The following LPP variants were observed in gnomAD, a reference collection of about 807,000 sequenced individuals.
The protein encoded by LPP is lipoma-preferred partner.
In LPP, 38 loss-of-function variants were observed where a neutral mutation model predicts 60.4. The observed-to-expected ratio is 0.63, with a 90% confidence interval of 0.49 to 0.83. LPP has a LOEUF of 0.83. Ranked by LOEUF, LPP falls within the 40% of genes least tolerant of loss-of-function variation. The probability of loss-of-function intolerance (pLI) is 0.00; values close to 1 mark genes in which losing one functional copy is unlikely to be tolerated. For missense variants in LPP, 902 were observed against 783.6 expected (o/e 1.15, Z -1.80); for synonymous variants, 328 against 290.8 (o/e 1.13, Z -1.30).
chr3:188,512,426 C>T (rs1281832736), intron 5 of LPP, among the ~76,000 whole-genome samples: 1 of 152,080 alleles, frequency 6.6e-6, no homozygotes, highest in Non-Finnish European at 1.5e-5. Flanking sequence ...TTGGCACGCA[C>T]TTGTAATCCT....
At chr3:188,644,554 A>G (rs1850755305) in intron 7 of LPP, among the ~76,000 whole-genome samples, 1 of 152,154 alleles carries the variant, frequency 6.6e-6, no homozygotes, top group Non-Finnish European at 1.5e-5. Context: ...AATATTGCTG[A>G]TATGTAATCT....
chr3:188,519,773 G>T (rs548685483), intron 5 of LPP, among the ~76,000 whole-genome samples: 2 of 152,258 alleles, frequency 1.3e-5, no homozygotes, highest in East Asian at 3.9e-4. Context: ...GATGAATCTG[G>T]GTGAAGGATG....
rs547741345 is a variant in LPP, at chr3:188,334,592, G to A, written c.-66-7071G>A. ...ACTACAGACGCGCGCTACCACGCCC[G>A]GCTAATTTTTGTGTTTTTAGTACAG... On this transcript the variant is annotated intron_variant, in intron 2 of 11. Transcript: ENST00000617246. Among the ~76,000 whole-genome samples, 38 of 151,856 alleles carry A rather than the reference G, an allele frequency of 2.5e-4. No individual in the cohort carries two copies. In the South Asian group the frequency reaches 7.7e-3, roughly 31 times the overall value.
chr3:188,470,281 T>TACACACACACACACAC (rs59656753), intron 4 of LPP, among the ~76,000 whole-genome samples: 1 of 126,864 alleles, frequency 7.9e-6, no homozygotes, highest in East Asian at 2.8e-4. Flanking sequence ...CTCTCTCTCA[T>TACACACACACACACAC]ACACACACAC....
intron 6 of LPP, among the ~76,000 whole-genome samples, chr3:188,566,239 C>T (rs771447385): frequency 1.6e-4 from 24 of 151,852 alleles, no homozygotes; most frequent in Non-Finnish European, 3.1e-4. Flanking sequence ...TCCTAATAAC[C>T]ATGTTAGAAT....
At chr3:188,834,324 G>GTTTTTTTTTT (rs71867135) in intron 9 of LPP, among the ~76,000 whole-genome samples, 3 of 34,094 alleles carry the variant, frequency 8.8e-5, no homozygotes, top group African/African-American at 1.4e-4. Flanking sequence ...CTTTTTGGGT[G>GTTTTTTTTTT]TTTTTTTTTT....
intron 1 of LPP, among the ~76,000 whole-genome samples, chr3:188,168,442 C>T (rs1720656127): frequency 6.6e-6 from 1 of 152,064 alleles, no homozygotes; most frequent in African/African-American, 2.4e-5. Context: ...AAATCAGAGT[C>T]CTGATTTTTG....
At chr3:188,781,732 A>C (rs1313198648) in intron 9 of LPP, among the ~76,000 whole-genome samples, 6 of 151,260 alleles carry the variant, frequency 4.0e-5, no homozygotes, top group Non-Finnish European at 8.8e-5. Flanking sequence ...AAAAAAAAAA[A>C]TACAAAAAAA....
At chr3:188,417,019 A>G (rs2148988859) in intron 4 of LPP, among the ~76,000 whole-genome samples, 1 of 152,292 alleles carries the variant, frequency 6.6e-6, no homozygotes, top group African/African-American at 2.4e-5. Flanking sequence ...AAAAAAAATC[A>G]GTATGATATT....
At chr3:188,528,250 A>G (rs947636452) in intron 6 of LPP, among the ~76,000 whole-genome samples, 1 of 152,174 alleles carries the variant, frequency 6.6e-6, no homozygotes, top group African/African-American at 2.4e-5. Context: ...GATGGTCTCA[A>G]TCTCCTGACC....
At chr3:188,367,897 C>CTG (rs1771692934) in intron 3 of LPP, among the ~76,000 whole-genome samples, 1 of 152,144 alleles carries the variant, frequency 6.6e-6, no homozygotes, top group South Asian at 2.1e-4. Flanking sequence ...GACTTGTGTT[C>CTG]TGTGGAACAT....
chr3:188,449,260 A>G (rs1796038059), intron 4 of LPP, among the ~76,000 whole-genome samples: 1 of 152,200 alleles, frequency 6.6e-6, no homozygotes, highest in Non-Finnish European at 1.5e-5. Context: ...ATAGTCCTTG[A>G]AGAGGCTCTC....
chr3:188,248,442 A>G (rs1727788475), intron 2 of LPP, among the ~76,000 whole-genome samples: 1 of 139,842 alleles, frequency 7.2e-6, no homozygotes, highest in Admixed American at 7.3e-5. Context: ...AGGGAACAAT[A>G]CCTAGTGTTC....
intron 1 of LPP, among the ~76,000 whole-genome samples, chr3:188,196,365 T>C (rs113198691): frequency 2.6e-5 from 4 of 152,304 alleles, no homozygotes; most frequent in Admixed American, 1.3e-4. Context: ...GTGAGTGACA[T>C]CGCCCAATCC....
intron 8 of LPP, among the ~76,000 whole-genome samples, chr3:188,717,271 T>A (rs1228054861): frequency 6.6e-6 from 1 of 152,272 alleles, no homozygotes; most frequent in East Asian, 1.9e-4. Flanking sequence ...ACATACTTCA[T>A]GTTTTAGCTT....
chr3:188,392,559 A>T (rs568172145), intron 3 of LPP, among the ~76,000 whole-genome samples: 1 of 152,346 alleles, frequency 6.6e-6, no homozygotes, highest in South Asian at 2.1e-4. Flanking sequence ...GGAAACATAG[A>T]GGTTGTTAAA....
chr3:188,835,627 AT>A (rs753578282), intron 9 of LPP, among the ~76,000 whole-genome samples: 14 of 151,646 alleles, frequency 9.2e-5, no homozygotes, highest in Non-Finnish European at 7.4e-5. Flanking sequence ...TCCAAAAAAA[AT>A]AAAAAGAATA....
At chr3:188,212,365 GT>G (rs1711583808) in intron 1 of LPP, among the ~76,000 whole-genome samples, 1 of 152,166 alleles carries the variant, frequency 6.6e-6, no homozygotes, top group Non-Finnish European at 1.5e-5. Flanking sequence ...GGTGGAGGAG[GT>G]TTTTTCCTGG....
At chr3:188,288,288 T>G (rs564082042) in intron 2 of LPP, among the ~76,000 whole-genome samples, 1 of 152,354 alleles carries the variant, frequency 6.6e-6, no homozygotes, top group Admixed American at 6.5e-5. Flanking sequence ...AAAGTTGCTC[T>G]CCTTGGCATT....
Sources: gnomAD v4.1 joint callset for allele counts (sites outside exome capture counted in the v4.1 genomes callset) on GRCh38, gnomAD v4.1.1 for gene constraint, MANE v1.5 for transcripts, NCBI Gene and HGNC (gene_info 2026-07-23, HGNC 2026-07-21) for gene names.